The following ULK4 variants were observed in gnomAD, a reference collection of about 807,000 sequenced individuals.
ULK4 encodes the protein inactive serine/threonine-protein kinase ULK4.
In ULK4, 133 loss-of-function variants were observed where a neutral mutation model predicts 160.6. The observed-to-expected ratio is 0.83, with a 90% CI of 0.72 to 0.96. ULK4 has a LOEUF of 0.96. Ranked by LOEUF, ULK4 falls within the 40% of genes least tolerant of loss-of-function variation. ULK4 has a pLI of 0.00. For synonymous variants in ULK4, 534 were observed against 539.8 expected (o/e 0.99, Z 0.15); for missense variants, 1,580 against 1,499.5 (o/e 1.05, Z -0.89).
intron 35 of ULK4, among the ~76,000 whole-genome samples, chr3:41,324,544 G>C (rs987773697): frequency 6.6e-6 from 1 of 152,214 alleles, no homozygotes; most frequent in African/African-American, 2.4e-5. Flanking sequence ...CCATCAGGTA[G>C]AGAGGATTCA....
At chr3:41,884,210 G>T (rs909099501) in intron 16 of ULK4, among the ~76,000 whole-genome samples, 1 of 152,112 alleles carries the variant, frequency 6.6e-6, no homozygotes, top group African/African-American at 2.4e-5. Flanking sequence ...TGGTTTAATA[G>T]TAAAACGAAA....
chr3:41,304,133 C>T (rs1449662549), intron 35 of ULK4, among the ~76,000 whole-genome samples: 2 of 151,952 alleles, frequency 1.3e-5, no homozygotes, highest in African/African-American at 4.8e-5. Flanking sequence ...ATTAGCCAGA[C>T]GTGGTGGTGG....
At chr3:41,378,745 C>T (rs1297035702) in intron 35 of ULK4, among the ~76,000 whole-genome samples, 5 of 151,108 alleles carry the variant, frequency 3.3e-5, no homozygotes, top group Non-Finnish European at 5.9e-5. Context: ...CAAACCTGCA[C>T]GTTGTGCACA....
intron 35 of ULK4, among the ~76,000 whole-genome samples, chr3:41,362,416 C>T (rs891894947): frequency 1.6e-4 from 24 of 152,250 alleles, no homozygotes; most frequent in African/African-American, 5.1e-4. Context: ...ATCAGCAACA[C>T]ATTCCTAAAA....
rs1272179778 is a variant in ULK4 at position 41,900,203 on chromosome 3, A to C, written c.1287+522T>G. ...GGTTTAGAAGTACATTGTGAACTACAACTTCGCAAGCTCCCAGAATGTCTC... is the reference window on the plus strand; with the variant it reads ...GGTTTAGAAGTACATTGTGAACTACCACTTCGCAAGCTCCCAGAATGTCTC... On this transcript the variant is annotated intron_variant, in intron 13 of 36. Transcript: ENST00000301831. 2.6e-5 allele frequency among the ~76,000 whole-genome samples: 4 copies of C among 151,050 alleles called. No individual in the cohort carries two copies. In the East Asian group the frequency reaches 7.7e-4, roughly 29 times the overall value.
intron 35 of ULK4, among the ~76,000 whole-genome samples, chr3:41,323,391 AACACACACACACACACACACACAC>A (rs34357899): frequency 3.3e-5 from 4 of 120,322 alleles, no homozygotes; most frequent in East Asian, 5.1e-4. Flanking sequence ...CCTGAACAAT[AACACACACACACACACACACACAC>A]ACACACACAC....
intron 35 of ULK4, among the ~76,000 whole-genome samples, chr3:41,306,523 G>C (rs1244409592): frequency 6.8e-6 from 1 of 147,748 alleles, no homozygotes. Context: ...GGAGGGAGGT[G>C]GGGGGGTCAG....
At chr3:41,936,845 T>C (rs937691240) in intron 3 of ULK4, among the ~76,000 whole-genome samples, 1 of 152,190 alleles carries the variant, frequency 6.6e-6, no homozygotes, top group South Asian at 2.1e-4. Flanking sequence ...TAAAAACTAG[T>C]ATTTGATAGT....
chr3:41,874,223 G>A (rs777882233), intron 17 of ULK4, among the ~76,000 whole-genome samples: 10 of 152,166 alleles, frequency 6.6e-5, no homozygotes, highest in Non-Finnish European at 1.3e-4. Context: ...AGAAGAGGAA[G>A]TGGTGCAATC....
chr3:41,856,674 T>G (rs912840983), intron 17 of ULK4, among the ~76,000 whole-genome samples: 1 of 147,144 alleles, frequency 6.8e-6, no homozygotes, highest in Admixed American at 6.9e-5. Flanking sequence ...TCCAACAGGA[T>G]AGTCTTTCCA....
chr3:41,557,296 C>A (rs902493290), intron 32 of ULK4, among the ~76,000 whole-genome samples: 1 of 150,842 alleles, frequency 6.6e-6, no homozygotes, highest in Non-Finnish European at 1.5e-5. Context: ...TGTAAATAGA[C>A]CAGAGGGGAA....
intron 30 of ULK4, among the ~76,000 whole-genome samples, chr3:41,619,940 G>C (rs775367915): frequency 1.3e-5 from 2 of 152,088 alleles, no homozygotes; most frequent in Non-Finnish European, 2.9e-5. Flanking sequence ...CATCACCACT[G>C]ATCTCACAGA....
intron 30 of ULK4, 25 bp downstream of exon 30, chr3:41,663,582 A>G: frequency 1.3e-6 from 2 of 1,596,514 alleles, no homozygotes; most frequent in Non-Finnish European, 1.7e-6. Context: ...GAGACACAAG[A>G]AAAAGAAATT....
At chr3:41,845,102 A>G (rs1217758981) in intron 17 of ULK4, among the ~76,000 whole-genome samples, 6 of 151,884 alleles carry the variant, frequency 4.0e-5, no homozygotes, top group African/African-American at 1.5e-4. Context: ...AGTAGCTGGG[A>G]CTACAGGCAC....
chr3:41,703,278 T>A (rs2036747145), intron 27 of ULK4, among the ~76,000 whole-genome samples: 1 of 152,038 alleles, frequency 6.6e-6, no homozygotes, highest in Admixed American at 6.6e-5. Flanking sequence ...AAAAATGACC[T>A]CATAATGGGC....
At chr3:41,758,908 T>C (rs1359031853) in intron 21 of ULK4, among the ~76,000 whole-genome samples, 1 of 151,932 alleles carries the variant, frequency 6.6e-6, no homozygotes, top group Non-Finnish European at 1.5e-5. Context: ...TCATCATAAT[T>C]AATTGATGAA....
Position 41,264,400 on chromosome 3 carries a change from G to A in ULK4, c.3679-14826C>T, listed in dbSNP as rs146379204. Reference sequence around the variant, plus strand: ...TTCAATTGAGCAGAGGTAAGATGCCGTGTGGCCCTTTGTCCTCAGTGGCAG... The same window carrying A: ...TTCAATTGAGCAGAGGTAAGATGCCATGTGGCCCTTTGTCCTCAGTGGCAG... On this transcript the variant is annotated intron_variant, in intron 35 of 36. Coordinates refer to ENST00000301831, the MANE Select transcript of ULK4 (RefSeq NM_017886.4). Among the ~76,000 whole-genome samples the A allele has an allele frequency of 5.9e-5, 9 of 152,330 alleles. No homozygotes were observed. In the East Asian group the frequency reaches 1.4e-3, roughly 23 times the overall value.
intron 17 of ULK4, among the ~76,000 whole-genome samples, chr3:41,880,628 A>G (rs1697483512): frequency 6.6e-6 from 1 of 152,132 alleles, no homozygotes; most frequent in Admixed American, 6.5e-5. Context: ...TATGCCATTA[A>G]AATGCTTATA....
chr3:41,675,835 G>A (rs901391439), intron 29 of ULK4, among the ~76,000 whole-genome samples: 9 of 152,148 alleles, frequency 5.9e-5, no homozygotes, highest in African/African-American at 1.2e-4. Context: ...AGGAACCAAC[G>A]CCACCAATGC....
Sources: gnomAD v4.1 joint callset for allele counts (sites outside exome capture counted in the v4.1 genomes callset) on GRCh38, gnomAD v4.1.1 for gene constraint, MANE v1.5 for transcripts, NCBI Gene and HGNC (gene_info 2026-07-23, HGNC 2026-07-21) for gene names.